LRP6: variants seen among roughly 807,000 people sequenced by gnomAD.
LRP6 encodes low-density lipoprotein receptor-related protein 6.
In LRP6, 43 loss-of-function variants were observed where a neutral mutation model predicts 184.1. That is an observed-to-expected ratio of 0.23 (90% CI 0.18 to 0.30). The LOEUF (loss-of-function observed/expected upper bound fraction) is 0.30. LRP6 is among the 10% of genes least tolerant of loss of function. The probability of loss-of-function intolerance (pLI) is 1.00; values close to 1 mark genes in which losing one functional copy is unlikely to be tolerated. For synonymous variants in LRP6, 719 were observed against 684.9 expected, an observed-to-expected ratio of 1.05 and a Z score of -0.78; for missense variants, 1,571 against 2,005.3, an observed-to-expected ratio of 0.78 and a Z score of 4.14.
intron 14 of LRP6, 41 bp from the exon 15 acceptor site, chr12:12,147,597 A>T: frequency 7.1e-7 from 1 of 1,415,438 alleles, no homozygotes; most frequent in Non-Finnish European, 1.0e-6. Context: ...CTGGAGTAAG[A>T]AACCACATAA....
At chr12:12,196,112 G>C (rs577557649) in intron 3 of LRP6, among the ~76,000 whole-genome samples, 6 of 152,086 alleles carry the variant, frequency 3.9e-5, no homozygotes, top group Non-Finnish European at 7.4e-5. Context: ...ATATTTTGAA[G>C]TCTGTTAGTA....
chr12:12,177,163 A>C (rs748770294), intron 7 of LRP6, among the ~76,000 whole-genome samples: 5 of 152,048 alleles, frequency 3.3e-5, no homozygotes, highest in Admixed American at 6.5e-5. Flanking sequence ...CAGACTCTTA[A>C]GTCTTTCAGA....
chr12:12,142,055 T>A (rs1455702026), intron 15 of LRP6, among the ~76,000 whole-genome samples: 1 of 152,048 alleles, frequency 6.6e-6, no homozygotes, highest in Non-Finnish European at 1.5e-5. Context: ...AAGAGAAAAA[T>A]CAAGAAATAG....
chr12:12,150,862 G>C lies in LRP6; in HGVS notation c.2968C>G (p.Arg990Gly), dbSNP rs780777151. ...TGGCTGCCATCTTCTTGTGCCTTTC[G>C]GATCATGTTTTGTCGTGAGTCAATC... ...YWIDSRQNMI[R>G]KAQEDGSQGF... Residue 990 changes from arginine to glycine, a missense_variant, in exon 13 of 23, where the codon CGA (arginine) becomes GGA (glycine). Physicochemically the swap from Arg to Gly is moderately radical, Grantham distance 125. This residue lies in a region of LRP6 where 763 missense variants were observed against 859.5 expected (regional missense o/e 0.89). Coordinates refer to ENST00000261349, the MANE Select transcript of LRP6 (RefSeq NM_002336.3). 1.9e-6 allele frequency: 3 copies of C among 1,613,930 alleles called. No homozygotes were observed. The highest frequency in any genetic ancestry group is 2.7e-5 in the African/African-American group (2 of 75,028).
chr12:12,155,821 AGGTT>A, intron 12 of LRP6: 4 of 664,092 alleles, frequency 6.0e-6, no homozygotes, highest in East Asian at 2.7e-5. Flanking sequence ...AAAAAAAAAA[AGGTT>A]AAATAATTTT....
At chr12:12,129,075 GA>G (rs1326717726) in intron 19 of LRP6, among the ~76,000 whole-genome samples, 5 of 152,184 alleles carry the variant, frequency 3.3e-5, no homozygotes, top group African/African-American at 1.2e-4. Flanking sequence ...GAAAATGTCA[GA>G]AAGTGTTCTA....
intron 2 of LRP6, among the ~76,000 whole-genome samples, chr12:12,208,847 T>C (rs1206056495): frequency 6.6e-6 from 1 of 152,196 alleles, no homozygotes; most frequent in African/African-American, 2.4e-5. Context: ...ATGTCTATTA[T>C]AATATATGAA....
intron 2 of LRP6, among the ~76,000 whole-genome samples, chr12:12,239,288 T>C (rs759335228): frequency 2.0e-5 from 3 of 152,168 alleles, no homozygotes; most frequent in Admixed American, 2.0e-4. Flanking sequence ...TCTGCTTCTA[T>C]GCAAAAGCCA....
intron 9 of LRP6, 134 bp downstream of exon 9, chr12:12,164,139 A>C (rs1862810939): frequency 3.7e-6 from 3 of 816,408 alleles, no homozygotes. Flanking sequence ...AAAAAAAAAA[A>C]AAAAAACTTG....
At chr12:12,245,736 T>C (rs189395259) in intron 1 of LRP6, among the ~76,000 whole-genome samples, 3 of 152,296 alleles carry the variant, frequency 2.0e-5, no homozygotes, top group Non-Finnish European at 4.4e-5. Context: ...TTTGAGAAAG[T>C]TGAAGCTGTT....
chr12:12,121,005 A>C lies in LRP6; in HGVS notation c.*121T>G, dbSNP rs1949596719. 1.3e-6 allele frequency: 1 copy of C among 778,744 alleles called. No homozygotes were observed. The highest frequency in any genetic ancestry group is 3.1e-5 in the Admixed American group (1 of 32,600). 48.2% of individuals were successfully genotyped at this position (778,744 alleles called of 1,614,324 possible). On this transcript the variant is annotated 3_prime_UTR_variant, in exon 23 of 23. Transcript: ENST00000261349. ...CCAGTATTCCCTACCCCATTTTATA[A>C]TTTTAACTGTACATGGTCTGCCTCA...
chr12:12,172,508 G>A (rs574715403), intron 7 of LRP6, among the ~76,000 whole-genome samples: 77 of 152,310 alleles, frequency 5.1e-4, no homozygotes, highest in African/African-American at 1.8e-3. Context: ...AGATGCAGGA[G>A]GACAACCAAG....
chr12:12,200,582 T>G (rs954331033), intron 3 of LRP6, among the ~76,000 whole-genome samples: 1 of 152,204 alleles, frequency 6.6e-6, no homozygotes, highest in Non-Finnish European at 1.5e-5. Flanking sequence ...CCTCTCATCT[T>G]CCCCTCTGCA....
intron 3 of LRP6, 44 bp from the exon 4 acceptor site, chr12:12,187,163 C>T (rs1176130697): frequency 6.5e-7 from 1 of 1,534,456 alleles, no homozygotes; most frequent in Admixed American, 1.8e-5. Context: ...TCTAAATTTT[C>T]TTCTTCTATC....
chr12:12,150,810 G>A, intron 13 of LRP6, 26 bp downstream of exon 13: 1 of 1,611,504 alleles, frequency 6.2e-7, no homozygotes, highest in Non-Finnish European at 8.5e-7. Context: ...CAGGAGAAAT[G>A]AATTTTGAAC....
intron 7 of LRP6, among the ~76,000 whole-genome samples, chr12:12,177,913 CGAATGAAT>C (rs1288271639): frequency 2.0e-5 from 3 of 149,316 alleles, no homozygotes; most frequent in Admixed American, 6.6e-5. Flanking sequence ...AACGAATGAA[CGAATGAAT>C]GAAAAAAATT....
chr12:12,135,110 T>C (rs1218861163), intron 17 of LRP6, 65 bp downstream of exon 17: 4 of 1,608,904 alleles, frequency 2.5e-6, no homozygotes, highest in Non-Finnish European at 3.4e-6. Context: ...GTCATAGAAG[T>C]CTAGGCTTAA....
In LRP6 at chr12:12,244,181, A is replaced by G. The variant is rs562892885; in HGVS notation, c.449+81T>C. 1.1e-5 allele frequency: 15 copies of G among 1,380,792 alleles called. No homozygotes were observed. In the South Asian group the frequency reaches 1.2e-4, roughly 11 times the overall value. 85.5% of individuals were successfully genotyped at this position (1,380,792 alleles called of 1,614,324 possible). On this transcript the variant is annotated intron_variant, in intron 2 of 22. Coordinates refer to ENST00000261349, the MANE Select transcript of LRP6 (RefSeq NM_002336.3). ...TCCTGTTTTCGATCTTTCTTTTCTCATAGGGGTCAGGGTGGTGTATGTCAG... is the reference window on the plus strand; with the variant it reads ...TCCTGTTTTCGATCTTTCTTTTCTCGTAGGGGTCAGGGTGGTGTATGTCAG...
At chr12:12,138,739 G>T in intron 15 of LRP6, 1 of 1,466,690 alleles carries the variant, frequency 6.8e-7, no homozygotes, top group Non-Finnish European at 9.2e-7. Flanking sequence ...TCAAGAGCAA[G>T]TAAGTGCCCA....
Sources: gnomAD v4.1 joint callset for allele counts (sites outside exome capture counted in the v4.1 genomes callset) on GRCh38, gnomAD v4.1.1 for gene constraint, gnomAD v4.1.1 regional missense constraint, MANE v1.5 for transcripts, NCBI Gene and HGNC (gene_info 2026-07-23, HGNC 2026-07-21) for gene names.